The following CDK14 variants were observed in gnomAD, a reference collection of about 807,000 sequenced individuals.
CDK14 encodes the protein cyclin-dependent kinase 14.
CDK14 carries 34 observed loss-of-function variants against 60.7 expected under a neutral mutation model. That is an observed-to-expected ratio of 0.56 (90% CI 0.43 to 0.75). The LOEUF is 0.75. Ranked by LOEUF, CDK14 falls within the 30% of genes least tolerant of loss-of-function variation. CDK14 has a pLI of 0.00. For missense variants in CDK14, 482 were observed against 564.1 expected (o/e 0.85, Z 1.47); for synonymous variants, 197 against 203.7 (o/e 0.97, Z 0.28).
chr7:91,063,395 G>A (rs145511209), intron 11 of CDK14, among the ~76,000 whole-genome samples: 9 of 152,268 alleles, frequency 5.9e-5, no homozygotes, highest in African/African-American at 2.2e-4. Flanking sequence ...CTAATTATTC[G>A]CTCCGGCGTA....
intron 2 of CDK14, among the ~76,000 whole-genome samples, chr7:90,627,940 A>G (rs1277619263): frequency 6.6e-6 from 1 of 152,048 alleles, no homozygotes; most frequent in Non-Finnish European, 1.5e-5. Flanking sequence ...TGTGATTTGC[A>G]CTTCATTTTT....
At chr7:90,809,619 G>A (rs1250673935) in intron 5 of CDK14, among the ~76,000 whole-genome samples, 2 of 152,086 alleles carry the variant, frequency 1.3e-5, no homozygotes, top group East Asian at 1.9e-4. Context: ...AAATAACTAA[G>A]ATCAGAGCAG....
At position 90,817,796 on chromosome 7, in the gene CDK14, T is replaced by G. The variant is rs141240862; in HGVS notation, c.544+27144T>G. ...TAAGCCGTTAGGAAGCAGTTCAACA[T>G]TTCTACTCTCAGGGACTTCCAAGGT... On this transcript the variant is annotated intron_variant, in intron 5 of 14. Transcript: ENST00000380050. 8.2e-3 allele frequency among the ~76,000 whole-genome samples: 1,245 copies of G among 152,338 alleles called. 54 individuals are homozygous for G. Among genetic ancestry groups the G allele is most frequent in the Admixed American group, 0.073 (1,115 of 15,296 alleles).
chr7:90,716,834 C>A (rs1349135466), intron 2 of CDK14, among the ~76,000 whole-genome samples: 2 of 151,956 alleles, frequency 1.3e-5, no homozygotes, highest in African/African-American at 2.4e-5. Flanking sequence ...TCTTATTGGA[C>A]CATAACAGCA....
chr7:90,747,636 TA>T (rs749487058), intron 3 of CDK14, 44 bp from the exon 4 acceptor site: 11 of 1,116,332 alleles, frequency 9.9e-6, no homozygotes, highest in Non-Finnish European at 2.6e-6. Context: ...TGTTGTTAAT[TA>T]ATTTGATACA....
intron 10 of CDK14, among the ~76,000 whole-genome samples, chr7:91,011,654 T>C (rs1796161957): frequency 1.3e-5 from 2 of 152,164 alleles, no homozygotes; most frequent in Admixed American, 1.3e-4. Flanking sequence ...TTTTCCCTAC[T>C]TGTTTCAGTT....
At chr7:91,175,841 C>T (rs1177443266) in intron 14 of CDK14, among the ~76,000 whole-genome samples, 1 of 144,808 alleles carries the variant, frequency 6.9e-6, no homozygotes, top group African/African-American at 2.6e-5. Flanking sequence ...GAGACTTAGA[C>T]TCCCACACAT....
intron 6 of CDK14, among the ~76,000 whole-genome samples, chr7:90,875,820 T>C (rs1309073003): frequency 6.6e-6 from 1 of 152,100 alleles, no homozygotes; most frequent in Non-Finnish European, 1.5e-5. Context: ...CAACTTTGTG[T>C]TTCACATATT....
intron 4 of CDK14, among the ~76,000 whole-genome samples, chr7:90,756,519 G>A (rs1804065763): frequency 6.6e-6 from 1 of 152,152 alleles, no homozygotes; most frequent in Non-Finnish European, 1.5e-5. Flanking sequence ...CAAGCCTCCT[G>A]GTCACATGTA....
chr7:90,912,507 C>T (rs1000389668), intron 7 of CDK14, among the ~76,000 whole-genome samples: 2 of 152,194 alleles, frequency 1.3e-5, no homozygotes, highest in Admixed American at 1.3e-4. Context: ...TTTCTTACAT[C>T]TTTAGAGCTT....
intron 14 of CDK14, among the ~76,000 whole-genome samples, chr7:91,201,350 C>T (rs1210862560): frequency 1.3e-5 from 2 of 152,124 alleles, no homozygotes; most frequent in Non-Finnish European, 2.9e-5. Flanking sequence ...TACCTCACAG[C>T]TTCACATACA....
Position 91,064,214 on chromosome 7 carries a change from G to A in CDK14, c.1106-15218G>A, listed in dbSNP as rs189182368. 2.3e-4 allele frequency among the ~76,000 whole-genome samples: 35 copies of A among 152,232 alleles called. 1 individual carries two copies. The highest frequency in any genetic ancestry group is 1.7e-3 in the South Asian group (8 of 4,820). On this transcript the variant is annotated intron_variant, in intron 11 of 14. Coordinates refer to ENST00000380050, the MANE Select transcript of CDK14 (RefSeq NM_001287135.2). The stretch of plus-strand genomic sequence containing the variant: ...ATGCATGTTCTTATGCATGTTTTTC[G>A]TTGCTGGTCAAGGAGTTTTGATCTG...
chr7:91,190,512 C>T (rs1338156018), intron 14 of CDK14, among the ~76,000 whole-genome samples: 2 of 152,124 alleles, frequency 1.3e-5, no homozygotes, highest in South Asian at 2.1e-4. Context: ...TTTTTGAAGT[C>T]GGAGTTTCAC....
At chr7:90,899,426 C>G in intron 7 of CDK14, 73 bp downstream of exon 7, 2 of 1,140,666 alleles carry the variant, frequency 1.8e-6, no homozygotes, top group Non-Finnish European at 2.4e-6. Context: ...TCTAGCATCT[C>G]TACCATAACA....
At chr7:91,006,088 C>T (rs1208902) in intron 10 of CDK14, among the ~76,000 whole-genome samples, 74,048 of 152,172 alleles carry the variant, frequency 0.49, 18,575 homozygotes, top group East Asian at 0.7. Context: ...CGCTGGACCC[C>T]GTAGACAGGC....
rs894248105 is a variant in CDK14, at chr7:90,903,809, G to A, written c.702+4456G>A. 3.7e-4 allele frequency among the ~76,000 whole-genome samples: 57 copies of A among 152,018 alleles called. 1 individual carries two copies. The highest frequency in any genetic ancestry group is 1.9e-4 in the East Asian group (1 of 5,192). ...ACATTGTATGATTGTATAAAAATAC[G>A]CTGGGCTCCCCAAAATATGTACAAA... On this transcript the variant is annotated intron_variant, in intron 7 of 14. Coordinates refer to ENST00000380050, the MANE Select transcript of CDK14 (RefSeq NM_001287135.2).
intron 10 of CDK14, among the ~76,000 whole-genome samples, chr7:91,015,881 G>A (rs1156509717): frequency 1.3e-5 from 2 of 151,956 alleles, no homozygotes; most frequent in African/African-American, 4.8e-5. Context: ...TTACATGTTA[G>A]CAGATTACTA....
intron 2 of CDK14, among the ~76,000 whole-genome samples, chr7:90,675,553 C>T (rs146328591): frequency 1.3e-5 from 2 of 152,230 alleles, no homozygotes; most frequent in East Asian, 1.9e-4. Flanking sequence ...AAATAACCAG[C>T]CAACTCTATA....
chr7:91,141,570 A>T (rs1800457905), intron 14 of CDK14, among the ~76,000 whole-genome samples: 1 of 151,486 alleles, frequency 6.6e-6, no homozygotes, highest in African/African-American at 2.4e-5. Context: ...CTGAGCTGTG[A>T]ATAGAGGTCA....
Sources: gnomAD v4.1 joint callset for allele counts (sites outside exome capture counted in the v4.1 genomes callset) on GRCh38, gnomAD v4.1.1 for gene constraint, MANE v1.5 for transcripts, NCBI Gene and HGNC (gene_info 2026-07-23, HGNC 2026-07-21) for gene names.